Variants in ITK observed in about 807,000 individuals in gnomAD.
ITK encodes the protein IL2 inducible T cell kinase.
A neutral mutation model predicts 87.6 loss-of-function variants in ITK; 45 were observed. The ratio of observed to expected loss-of-function variants is 0.51; its 90% CI spans 0.40 to 0.66. The LOEUF (loss-of-function observed/expected upper bound fraction) is 0.66, where lower values mean the gene tolerates loss of function less well. ITK is among the 30% of genes least tolerant of loss of function. The pLI, the probability that ITK is intolerant of heterozygous loss-of-function variation, is 0.00. For missense variants in ITK, 605 were observed against 766.3 expected, an observed-to-expected ratio of 0.79 and a Z score of 2.48; for synonymous variants, 303 against 273.6, an observed-to-expected ratio of 1.11 and a Z score of -1.06.
intron 1 of ITK, among the ~76,000 whole-genome samples, chr5:157,197,171 AG>A (rs1490648301): frequency 6.6e-6 from 1 of 152,232 alleles, no homozygotes; most frequent in African/African-American, 2.4e-5. Context: ...TTACTTTATT[AG>A]AATCTATGAA....
intron 6 of ITK, chr5:157,224,379 A>G (rs1171851912): frequency 1.3e-5 from 2 of 152,178 alleles, no homozygotes; most frequent in East Asian, 3.8e-4. Flanking sequence ...ACTTGTACCA[A>G]GTGGATCCAT....
chr5:157,194,247 G>T (rs556613262), intron 1 of ITK, among the ~76,000 whole-genome samples: 2 of 152,068 alleles, frequency 1.3e-5, no homozygotes, highest in Non-Finnish European at 2.9e-5. Flanking sequence ...TTGTGAATTC[G>T]CCAGTCTTTG....
intron 6 of ITK, among the ~76,000 whole-genome samples, chr5:157,223,996 C>G (rs547872485): frequency 6.6e-6 from 1 of 152,292 alleles, no homozygotes; most frequent in African/African-American, 2.4e-5. Flanking sequence ...AAAGTAATCA[C>G]TATTTGGCCG....
intron 1 of ITK, among the ~76,000 whole-genome samples, chr5:157,189,240 C>A (rs534984100): frequency 1.3e-5 from 2 of 152,134 alleles, no homozygotes; most frequent in Non-Finnish European, 2.9e-5. Context: ...TTGATATTTT[C>A]TTTTCTCACA....
Position 157,244,448 on chromosome 5 carries a change from G to C in ITK, c.1419G>C (p.Leu473=), listed in dbSNP as rs1561664851. 1 of 1,612,856 alleles carries C rather than the reference G, an allele frequency of 6.2e-7. No individual in the cohort carries two copies. Among genetic ancestry groups the C allele is most frequent in the Non-Finnish European group, 8.5e-7 (1 of 1,178,934 alleles). Residue 473 remains leucine (L), a synonymous_variant, in exon 13 of 17, where the codon CTG becomes CTC. Transcript: ENST00000422843. ...ATGTGTGTGAGGGCATGGCCTACCT[G>C]GAAGAGGCATGTGTCATCCACAGAG... ...CLDVCEGMAY[L]EEACVIHRDL...
intron 8 of ITK, among the ~76,000 whole-genome samples, chr5:157,232,858 A>G (rs1754687953): frequency 6.6e-6 from 1 of 152,204 alleles, no homozygotes; most frequent in African/African-American, 2.4e-5. Context: ...ATGGGGTGCC[A>G]TCAGGGCTGG....
At chr5:157,241,295 C>A in intron 10 of ITK, 2 of 173,738 alleles carry the variant, frequency 1.2e-5, no homozygotes, top group Non-Finnish European at 2.4e-5. Context: ...TATATCAGCA[C>A]CCACACAGGA....
chr5:157,227,638 C>T (rs973317185), intron 6 of ITK, among the ~76,000 whole-genome samples: 3 of 151,886 alleles, frequency 2.0e-5, no homozygotes, highest in African/African-American at 7.3e-5. Context: ...AAAAATGTTT[C>T]CTTATAGAAA....
chr5:157,211,923 T>C (rs917790083), intron 3 of ITK, among the ~76,000 whole-genome samples: 3 of 152,186 alleles, frequency 2.0e-5, no homozygotes, highest in Non-Finnish European at 2.9e-5. Flanking sequence ...AGAAACTAGG[T>C]TGGCCCATAG....
At chr5:157,237,140 A>G (rs934455502) in intron 8 of ITK, among the ~76,000 whole-genome samples, 2 of 152,274 alleles carry the variant, frequency 1.3e-5, no homozygotes, top group Non-Finnish European at 2.9e-5. Flanking sequence ...CATGGAATCA[A>G]CCTAGGTGCC....
intron 3 of ITK, among the ~76,000 whole-genome samples, chr5:157,213,175 T>A (rs1162806339): frequency 6.6e-6 from 1 of 152,166 alleles, no homozygotes; most frequent in Non-Finnish European, 1.5e-5. Context: ...ATCACCTTAT[T>A]CACAAGGTGG....
At chr5:157,233,963 ATTTTTTTTTTTTTTTTT>A (rs869230073) in intron 8 of ITK, among the ~76,000 whole-genome samples, 1 of 22,300 alleles carries the variant, frequency 4.5e-5, no homozygotes, top group African/African-American at 1.5e-4. Flanking sequence ...ATATATATAT[ATTTTTTTTTTTTTTTTT>A]TTTTTTTTTT....
At chr5:157,233,963 ATTTTTTTTTTTTTTTTTT>A (rs869230073) in intron 8 of ITK, among the ~76,000 whole-genome samples, 3 of 22,286 alleles carry the variant, frequency 1.3e-4, no homozygotes, top group Non-Finnish European at 2.4e-4. Context: ...ATATATATAT[ATTTTTTTTTTTTTTTTTT>A]TTTTTTTTTT....
In ITK at chr5:157,244,400, G is replaced by T. The variant is rs746321007; in HGVS notation, c.1371G>T (p.Glu457Asp). Residue 457 changes from glutamate to aspartate, a missense_variant, in exon 13 of 17, where the codon GAG becomes GAT. Transcript: ENST00000422843. ...LRTQRGLFAA[E>D]TLLGMCLDVC... ...CCCAGCGGGGACTTTTTGCTGCAGA[G>T]ACCCTGCTGGGCATGTGTCTGGATG... 1.9e-6 allele frequency: 3 copies of T among 1,613,998 alleles called. No individual in the cohort carries two copies. In the African/African-American group the frequency reaches 4.0e-5, roughly 22 times the overall value.
intron 7 of ITK, among the ~76,000 whole-genome samples, chr5:157,229,300 C>T (rs568920219): frequency 1.5e-4 from 23 of 152,290 alleles, no homozygotes; most frequent in African/African-American, 5.5e-4. Context: ...AGTATCTCCT[C>T]ACAAATCACT....
intron 8 of ITK, among the ~76,000 whole-genome samples, chr5:157,234,914 C>T (rs187759145): frequency 8.5e-4 from 130 of 152,064 alleles, no homozygotes; most frequent in African/African-American, 2.9e-3. Context: ...GCACATGTAC[C>T]CCAGAACTTC....
chr5:157,194,701 G>A (rs1398360471), intron 1 of ITK, among the ~76,000 whole-genome samples: 1 of 152,148 alleles, frequency 6.6e-6, no homozygotes, highest in East Asian at 1.9e-4. Context: ...GTCTTTAATA[G>A]TTATGTATCT....
intron 1 of ITK, among the ~76,000 whole-genome samples, chr5:157,185,811 T>TTTA (rs1258897740): frequency 6.6e-6 from 1 of 151,840 alleles, no homozygotes; most frequent in African/African-American, 2.4e-5. Flanking sequence ...GCCACTGTAA[T>TTTA]CCAGCCTGGG....
chr5:157,204,598 C>G (rs1025907477), intron 1 of ITK, among the ~76,000 whole-genome samples: 1 of 152,060 alleles, frequency 6.6e-6, no homozygotes, highest in African/African-American at 2.4e-5. Context: ...ACTCAGGAGG[C>G]TGAGGCAGGA....
Sources: gnomAD v4.1 joint callset for allele counts (sites outside exome capture counted in the v4.1 genomes callset) on GRCh38, gnomAD v4.1.1 for gene constraint, MANE v1.5 for transcripts, NCBI Gene and HGNC (gene_info 2026-07-23, HGNC 2026-07-21) for gene names.